COPE: variants seen among roughly 807,000 people sequenced by gnomAD.
COPE encodes coat protein complex I subunit epsilon, also known as coatomer subunit epsilon.
Under a neutral mutation model 42.1 loss-of-function variants are expected in COPE, and 19 were observed. The observed-to-expected ratio is 0.45, with a 90% CI of 0.31 to 0.66. COPE has a LOEUF of 0.66. Ranked by LOEUF, COPE falls within the 30% of genes least tolerant of loss-of-function variation. The pLI is 0.05. For missense variants in COPE, 402 were observed against 416.1 expected (o/e 0.97, Z 0.30); for synonymous variants, 195 against 181.3 (o/e 1.08, Z -0.60).
chr19:18,902,496 C>G (rs2056709529), intron 7 of COPE, among the ~76,000 whole-genome samples: 1 of 149,146 alleles, frequency 6.7e-6, no homozygotes, highest in Non-Finnish European at 1.5e-5. Flanking sequence ...AAAACCCCGT[C>G]TCTACTAAAA....
chr19:18,904,314 C>T lies in COPE; in HGVS notation c.579+457G>A, dbSNP rs140653560. ...CACAAAAGAGTGGCTCAGAAGGGGGCCAAGTCCCAGAAACCAGGAGAGGGG... is the reference window on the plus strand; with the variant it reads ...CACAAAAGAGTGGCTCAGAAGGGGGTCAAGTCCCAGAAACCAGGAGAGGGG... On this transcript the variant is annotated intron_variant, in intron 6 of 9. Transcript: ENST00000262812. Among the ~76,000 whole-genome samples the T allele has an allele frequency of 2.6e-5, 4 of 152,344 alleles. No individual in the cohort carries two copies. In the East Asian group the frequency reaches 5.8e-4, roughly 22 times the overall value.
chr19:18,907,107 C>T lies in COPE; in HGVS notation c.296G>A (p.Ser99Asn), dbSNP rs1231684142. Reference sequence around the variant, plus strand: ...CTCTCGGTCCAGCTCGGCCACGATGCTGTCCCTGCAAGACAGAGATGCTCA... The same window carrying T: ...CTCTCGGTCCAGCTCGGCCACGATGTTGTCCCTGCAAGACAGAGATGCTCA... ...DYLAHESRRD[S>N]IVAELDREMS... The change falls in exon 4 of 10, where the codon AGC becomes AAC. Residue 99 changes from serine to asparagine, a missense_variant. By Grantham distance (46) the Ser-to-Asn change is conservative. Coordinates refer to ENST00000262812, the MANE Select transcript of COPE (RefSeq NM_007263.4). The T allele has an allele frequency of 3.7e-6, 6 of 1,611,526 alleles. No homozygotes were observed. The highest frequency in any genetic ancestry group is 4.2e-6 in the Non-Finnish European group (5 of 1,179,452).
chr19:18,912,909 G>A, intron 2 of COPE, 75 bp downstream of exon 2: 4 of 1,471,026 alleles, frequency 2.7e-6, no homozygotes, highest in Non-Finnish European at 3.8e-6. Flanking sequence ...CACCCACTCT[G>A]TGGTGCCTTC....
chr19:18,904,903 T>C (rs1568316638), intron 5 of COPE, 51 bp from the exon 6 acceptor site: 1 of 1,515,256 alleles, frequency 6.6e-7, no homozygotes. Context: ...GGCCCTGGCC[T>C]GGCCATCCCT....
At chr19:18,917,540 G>GT (rs959384739) in intron 1 of COPE, among the ~76,000 whole-genome samples, 9 of 151,834 alleles carry the variant, frequency 5.9e-5, no homozygotes, top group African/African-American at 2.2e-4. Flanking sequence ...GCTAATTTTT[G>GT]TATTTTTTAG....
rs182106945 is a variant in COPE, at chr19:18,909,969, C to T, written c.290+1002G>A. On this transcript the variant is annotated intron_variant, in intron 3 of 9. Coordinates refer to ENST00000262812, the MANE Select transcript of COPE (RefSeq NM_007263.4). ...CATGTGGGATAGGATATGGACGTAC[C>T]TTTTGGGGGACACCATTCACCCCAC... is the stretch of plus-strand genomic sequence containing the variant. Among the ~76,000 whole-genome samples, 3 of 152,274 alleles carry T rather than the reference C, an allele frequency of 2.0e-5. No homozygotes were observed. The East Asian group carries it at 5.8e-4, about 29-fold the overall frequency.
rs576274469 is a variant in COPE, at chr19:18,905,608, G to T, written c.465C>A (p.Ile155=). 2.5e-6 allele frequency: 4 copies of T among 1,593,642 alleles called. No homozygotes were observed. In the African/African-American group the frequency reaches 5.3e-5, roughly 21 times the overall value. Residue 155 remains isoleucine (I), a synonymous_variant, in exon 5 of 10, where the codon ATC becomes ATA. Transcript: ENST00000262812. ...GGTCCAGGCGGTCCAGCTTCAGCAG[G>T]ATCTGCACTGTCATGGCTGTGCTGC... is the stretch of plus-strand genomic sequence containing the variant. ...SLECTAMTVQ[I]LLKLDRLDLA... is the part of the protein sequence containing the mutation.
intron 4 of COPE, chr19:18,906,182 C>T (rs2056757511): frequency 1.3e-5 from 5 of 387,794 alleles, no homozygotes; most frequent in Middle Eastern, 1.3e-3. Flanking sequence ...AGTGTGACAT[C>T]CCTATTTATT....
intron 5 of COPE, 100 bp from the exon 6 acceptor site, chr19:18,904,952 G>A (rs900500953): frequency 3.3e-6 from 4 of 1,215,376 alleles, no homozygotes; most frequent in Admixed American, 4.0e-5. Flanking sequence ...GCCTGGGGAT[G>A]GCCCCTGCTT....
Position 18,903,343 on chromosome 19 carries a change from A to T in COPE, c.660T>A (p.Asn220Lys). 1 of 1,612,630 alleles carries T rather than the reference A, an allele frequency of 6.2e-7. No homozygotes were observed. The highest frequency in any genetic ancestry group is 8.5e-7 in the Non-Finnish European group (1 of 1,179,540). The change falls in exon 7 of 10, where the codon AAT (asparagine) becomes AAA (lysine). Residue 220 changes from asparagine (N) to lysine (K), a missense_variant. Transcript: ENST00000262812. The stretch of plus-strand genomic sequence containing the variant: ...GGGCCATGTGGCAGGCCGCCTGCCC[A>T]TTGAGCAGCAGCAGGGTGGGCGAGC... ...DKCSPTLLLL[N>K]GQAACHMAQG...
chr19:18,899,756 G>T (rs113105062), intron 9 of COPE, 30 bp from the exon 10 acceptor site: 3 of 1,613,432 alleles, frequency 1.9e-6, no homozygotes, highest in Non-Finnish European at 1.7e-6. Context: ...AACACAGGGT[G>T]GGGGCAGGGT....
rs536245186 is a variant in COPE at position 18,905,855 on chromosome 19, C to T, written c.444-226G>A. 1.3e-5 allele frequency: 7 copies of T among 553,278 alleles called. No individual in the cohort carries two copies. In the Admixed American group the frequency reaches 1.5e-4, roughly 12 times the overall value. The allele number at this position is 553,278 out of a possible 1,614,324, so 34.3% of individuals were successfully genotyped here. A position where few individuals can be genotyped will look rare whatever the true frequency, so the allele number is the denominator to read the frequency against. On this transcript the variant is annotated intron_variant, in intron 4 of 9. Coordinates refer to ENST00000262812, the MANE Select transcript of COPE (RefSeq NM_007263.4). ...GTACCCAGGATGGGGTTTCAGGCCC[C>T]GGCCCACTCACCGCCCATCTGGAGA... is the stretch of plus-strand genomic sequence containing the variant.
At chr19:18,915,362 G>C (rs956514271) in intron 1 of COPE, among the ~76,000 whole-genome samples, 11 of 152,252 alleles carry the variant, frequency 7.2e-5, no homozygotes, top group African/African-American at 2.4e-4. Context: ...AGTGCTCAGA[G>C]GCTGCAGAGT....
intron 1 of COPE, among the ~76,000 whole-genome samples, chr19:18,915,615 C>T (rs1255150851): frequency 2.0e-5 from 3 of 152,222 alleles, no homozygotes; most frequent in Non-Finnish European, 4.4e-5. Context: ...GGTCACCTGG[C>T]CCTAGGATGG....
At position 18,903,468 on chromosome 19, in the gene COPE, G is replaced by A. The variant is rs187022173; in HGVS notation, c.580-45C>T. 29 of 1,553,690 alleles carry A rather than the reference G, an allele frequency of 1.9e-5. No individual in the cohort carries two copies. In the Admixed American group the frequency reaches 4.6e-4, roughly 25 times the overall value. On this transcript the variant is annotated intron_variant, in intron 6 of 9. Transcript: ENST00000262812. The stretch of plus-strand genomic sequence containing the variant: ...TCATTGCCTGTGCCCCTGCTGCCCG[G>A]CCCTTCCCCCGCCAGCCCCCTCCCC...
chr19:18,905,186 G>A (rs1285665243), intron 5 of COPE, among the ~76,000 whole-genome samples: 4 of 152,044 alleles, frequency 2.6e-5, no homozygotes, highest in African/African-American at 7.2e-5. Flanking sequence ...CTTTGGAAAC[G>A]GCAGCAGGGG....
At chr19:18,909,965 G>A (rs1409876330) in intron 3 of COPE, among the ~76,000 whole-genome samples, 3 of 152,290 alleles carry the variant, frequency 2.0e-5, no homozygotes, top group Middle Eastern at 3.4e-3. Context: ...GGATATGGAC[G>A]TACCTTTTGG....
chr19:18,902,813 G>GAAAGAAAGAAAGAAAGAGAAAGAAAGA (rs1227785581), intron 7 of COPE, among the ~76,000 whole-genome samples: 1 of 53,844 alleles, frequency 1.9e-5, no homozygotes, highest in African/African-American at 7.2e-5. Context: ...AGGAAGGAAG[G>GAAAGAAAGAAAGAAAGAGAAAGAAAGA]AAGGAAGGAA....
chr19:18,912,939 C>CT, intron 2 of COPE, 45 bp downstream of exon 2: 1 of 1,599,482 alleles, frequency 6.3e-7, no homozygotes, highest in Non-Finnish European at 8.5e-7. Flanking sequence ...GCCCCACCCT[C>CT]TACTCTGTTC....
Sources: gnomAD v4.1 joint callset for allele counts (sites outside exome capture counted in the v4.1 genomes callset) on GRCh38, gnomAD v4.1.1 for gene constraint, MANE v1.5 for transcripts, NCBI Gene and HGNC (gene_info 2026-07-23, HGNC 2026-07-21) for gene names.